DAW1: variants seen among roughly 807,000 people sequenced by gnomAD.
The protein encoded by DAW1 is dynein assembly factor with WD repeats 1.
In DAW1, 47 loss-of-function variants were observed where a neutral mutation model predicts 56.5. The ratio of observed to expected loss-of-function variants is 0.83; its 90% CI spans 0.66 to 1.06. The LOEUF (loss-of-function observed/expected upper bound fraction) is 1.06. DAW1 is among the 50% of genes least tolerant of loss of function. DAW1 has a pLI of 0.00. For missense variants in DAW1, 505 were observed against 499.3 expected, an observed-to-expected ratio of 1.01 and a Z score of -0.11; for synonymous variants, 190 against 179.0, an observed-to-expected ratio of 1.06 and a Z score of -0.49.
chr2:227,921,452 G>A lies in DAW1; in HGVS notation c.1104G>A (p.Thr368=), dbSNP rs746064120. ...NHLLTGSSDK[T]ARIWDAQTGQ... ...TTCTAACTGGCAGCTCTGACAAAAC[G>A]GCTAGAATCTGGGATGCTCAGACTG... Residue 368 remains threonine, a synonymous_variant, in exon 12 of 13, where the codon ACG becomes ACA. Transcript: ENST00000309931. 4.1e-5 allele frequency: 66 copies of A among 1,613,454 alleles called. No homozygotes were observed. The highest frequency in any genetic ancestry group is 5.5e-5 in the South Asian group (5 of 91,038).
Position 227,889,871 on chromosome 2 carries a change from G to A in DAW1, c.129G>A (p.Ala43=), listed in dbSNP as rs182892008. The A allele has an allele frequency of 2.6e-5, 41 of 1,599,114 alleles. No homozygotes were observed. Among genetic ancestry groups the A allele is most frequent in the East Asian group, 6.8e-5 (3 of 44,256 alleles). The change falls in exon 3 of 13, where the codon GCG becomes GCA. Residue 43 remains alanine, a synonymous_variant. Coordinates refer to ENST00000309931, the MANE Select transcript of DAW1 (RefSeq NM_178821.3). ...LDLGPSTDVS[A]LVEEIQKAEP... is the part of the protein sequence containing the mutation. ...TGTATTTCAGCACTGATGTCAGTGC[G>A]TTAGTAGAAGAAATCCAGAAGGCAG...
chr2:227,915,142 T>A (rs1275463001), intron 10 of DAW1, among the ~76,000 whole-genome samples: 1 of 152,114 alleles, frequency 6.6e-6, no homozygotes, highest in African/African-American at 2.4e-5. Context: ...TATGGTATAG[T>A]ATTACTGCAG....
intron 3 of DAW1, among the ~76,000 whole-genome samples, 188 bp from the exon 4 acceptor site, chr2:227,891,067 G>T (rs1268833903): frequency 6.6e-6 from 1 of 152,178 alleles, no homozygotes; most frequent in East Asian, 1.9e-4. Flanking sequence ...CATGCCATAT[G>T]TAAAAGAAAA....
At chr2:227,897,920 C>G (rs561869913) in intron 5 of DAW1, among the ~76,000 whole-genome samples, 1 of 152,120 alleles carries the variant, frequency 6.6e-6, no homozygotes, top group South Asian at 2.1e-4. Flanking sequence ...TTGCTACATT[C>G]ATTAAACTCA....
chr2:227,883,917 A>C (rs894750030), intron 1 of DAW1, among the ~76,000 whole-genome samples: 8 of 152,210 alleles, frequency 5.3e-5, no homozygotes, highest in Admixed American at 3.9e-4. Context: ...ATGGAAAAAA[A>C]CCAAAAACTC....
chr2:227,904,548 A>G (rs1691632131), intron 7 of DAW1, among the ~76,000 whole-genome samples: 1 of 152,222 alleles, frequency 6.6e-6, no homozygotes, highest in Non-Finnish European at 1.5e-5. Context: ...ATGTGTTATT[A>G]GCCCATGGCA....
At chr2:227,917,962 C>T (rs993394953) in intron 10 of DAW1, among the ~76,000 whole-genome samples, 1 of 152,162 alleles carries the variant, frequency 6.6e-6, no homozygotes, top group Non-Finnish European at 1.5e-5. Context: ...ATGCTATAAT[C>T]AGAGATTTAA....
intron 10 of DAW1, among the ~76,000 whole-genome samples, chr2:227,908,233 T>C (rs946858915): frequency 6.6e-6 from 1 of 152,234 alleles, no homozygotes; most frequent in African/African-American, 2.4e-5. Context: ...TTGCATATTA[T>C]GCTATACTGT....
At chr2:227,891,491 C>A (rs941533678) in intron 4 of DAW1, among the ~76,000 whole-genome samples, 178 bp downstream of exon 4, 1 of 152,138 alleles carries the variant, frequency 6.6e-6, no homozygotes, top group Non-Finnish European at 1.5e-5. Context: ...AGTTTTCTGT[C>A]GTATTTGTGC....
intron 4 of DAW1, among the ~76,000 whole-genome samples, chr2:227,893,359 G>A (rs916455326): frequency 6.7e-6 from 1 of 150,324 alleles, no homozygotes; most frequent in Non-Finnish European, 1.5e-5. Context: ...CTGCACACAT[G>A]ATTTCCATTG....
At chr2:227,874,477 C>G (rs1331088847) in intron 1 of DAW1, among the ~76,000 whole-genome samples, 1 of 152,204 alleles carries the variant, frequency 6.6e-6, no homozygotes, top group Non-Finnish European at 1.5e-5. Flanking sequence ...CATTGCTAAT[C>G]TACTGGCCAA....
chr2:227,918,914 C>T (rs907332148), intron 11 of DAW1, 58 bp downstream of exon 11: 19 of 1,551,998 alleles, frequency 1.2e-5, no homozygotes, highest in Non-Finnish European at 1.3e-5. Context: ...AAGAGCAGGG[C>T]CCAGGTGCAG....
chr2:227,911,236 A>ATACATATATACATACATATGTGTATATG (rs1691808140), intron 10 of DAW1, among the ~76,000 whole-genome samples: 1 of 65,360 alleles, frequency 1.5e-5, no homozygotes, highest in Non-Finnish European at 3.7e-5. Flanking sequence ...ATGTGTATAT[A>ATACATATATACATACATATGTGTATATG]TACATATATA....
intron 10 of DAW1, among the ~76,000 whole-genome samples, chr2:227,909,266 ATCTATCTG>A (rs1245809763): frequency 7.7e-5 from 11 of 142,028 alleles, no homozygotes; most frequent in African/African-American, 2.1e-4. Context: ...CTATCTATCT[ATCTATCTG>A]TCTGTCTGTC....
At chr2:227,904,504 GT>G (rs1382248786) in intron 7 of DAW1, among the ~76,000 whole-genome samples, 1 of 152,122 alleles carries the variant, frequency 6.6e-6, no homozygotes, top group Non-Finnish European at 1.5e-5. Flanking sequence ...AAAGTAATTA[GT>G]TTTATTTCAT....
Position 227,924,025 on chromosome 2 carries a change from C to T in DAW1, c.*57C>T. 2 of 1,588,528 alleles carry T rather than the reference C, an allele frequency of 1.3e-6. No homozygotes were observed. The highest frequency in any genetic ancestry group is 3.3e-5 in the Admixed American group (2 of 59,750). ...TAGCAATGGTAATCAAGAACTGGAA[C>T]TTCACAGACAGCAGCTCTCTTAATA... On this transcript the variant is annotated 3_prime_UTR_variant, in exon 13 of 13. Transcript: ENST00000309931.
At chr2:227,901,846 A>G (rs536541432) in intron 6 of DAW1, among the ~76,000 whole-genome samples, 20 of 152,286 alleles carry the variant, frequency 1.3e-4, no homozygotes, top group Non-Finnish European at 2.4e-4. Flanking sequence ...AAACATATTT[A>G]CAGGCCACTG....
chr2:227,893,671 T>TAAAC (rs36070997), intron 4 of DAW1, 124 bp from the exon 5 acceptor site: 143,872 of 1,398,610 alleles, frequency 0.1, 7,422 homozygotes, highest in East Asian at 0.16. Flanking sequence ...GACTCCCTCT[T>TAAAC]AAACAAACAA....
At chr2:227,917,184 CTATG>C (rs1396333646) in intron 10 of DAW1, among the ~76,000 whole-genome samples, 132 of 151,826 alleles carry the variant, frequency 8.7e-4, no homozygotes, top group East Asian at 2.1e-3. Flanking sequence ...GTCTGTCTAT[CTATG>C]TATCTATCCA....
Sources: gnomAD v4.1 joint callset for allele counts (sites outside exome capture counted in the v4.1 genomes callset) on GRCh38, gnomAD v4.1.1 for gene constraint, MANE v1.5 for transcripts, NCBI Gene and HGNC (gene_info 2026-07-23, HGNC 2026-07-21) for gene names.